NEDD9: variants seen among roughly 807,000 people sequenced by gnomAD.
NEDD9 encodes the protein enhancer of filamentation 1.
Under a neutral mutation model 76.6 loss-of-function variants are expected in NEDD9, and 26 were observed. The observed-to-expected ratio is 0.34, with a 90% CI of 0.25 to 0.47. The LOEUF is 0.47. NEDD9 is among the 20% of genes least tolerant of loss of function. NEDD9 has a pLI of 1.00. For synonymous variants in NEDD9, 392 were observed against 414.2 expected, an observed-to-expected ratio of 0.95 and a Z score of 0.65; for missense variants, 937 against 1,058.5, an observed-to-expected ratio of 0.89 and a Z score of 1.59.
At chr6:11,368,365 A>C (rs1762805001) in intron 1 of NEDD9, among the ~76,000 whole-genome samples, 1 of 152,262 alleles carries the variant, frequency 6.6e-6, no homozygotes, top group Non-Finnish European at 1.5e-5. Flanking sequence ...ATATTTTAAG[A>C]GTAATACAAT....
rs759866648 is a variant in NEDD9, at chr6:11,190,604, A to G, written c.1265T>C (p.Met422Thr). The change falls in exon 5 of 7, where the codon ATG becomes ACG. Residue 422 changes from methionine to threonine, a missense_variant. Met to Thr is a moderately conservative substitution (Grantham distance 81). Transcript: ENST00000379446. This position sits in a 1 kb window ranked among gnomAD's most constrained non-coding sequence, Gnocchi z 5.8. ...RLQRLQQALE[M>T]GVSSLMALVT... Reference sequence around the variant, plus strand: ...CAGTGCCATTAGGCTGGAGACACCCATCTCAAGGGCCTGCTGGAGCCGCTG... The same window carrying G: ...CAGTGCCATTAGGCTGGAGACACCCGTCTCAAGGGCCTGCTGGAGCCGCTG... 1 of 1,614,038 alleles carries G rather than the reference A, an allele frequency of 6.2e-7. No individual in the cohort carries two copies. Among genetic ancestry groups the G allele is most frequent in the African/African-American group, 1.3e-5 (1 of 74,904 alleles).
At chr6:11,235,734 G>A (rs533503377), upstream of NEDD9, among the ~76,000 whole-genome samples, 2 of 152,310 alleles carry the variant, frequency 1.3e-5, no homozygotes, top group South Asian at 4.1e-4. The surrounding 1 kb of genome is among the most constrained non-coding windows in gnomAD (Gnocchi z 4.1). Flanking sequence ...ATTCCGGACA[G>A]AAGTGACCCA....
At chr6:11,336,102 G>C (rs765065330) in intron 1 of NEDD9, among the ~76,000 whole-genome samples, 3 of 152,134 alleles carry the variant, frequency 2.0e-5, no homozygotes, top group Non-Finnish European at 2.9e-5. Flanking sequence ...CTCCCTCAGA[G>C]TCAGCCTTTC....
rs925646014 is a variant in NEDD9 at position 11,301,027 on chromosome 6, A to T, written c.12+4965T>A. Among the ~76,000 whole-genome samples the T allele has an allele frequency of 1.2e-4, 19 of 152,226 alleles. 1 individual carries two copies. On this transcript the variant is annotated intron_variant, in intron 3 of 3. Coordinates refer to the NEDD9 transcript ENST00000397378. ...ATTCACACATAACAATATTAATCTT[A>T]AGTGAAAATGGGCTAAATGCCCCAG...
intron 4 of NEDD9, 130 bp from the exon 5 acceptor site, chr6:11,191,335 C>T (rs768528753): frequency 4.3e-6 from 4 of 928,958 alleles, no homozygotes; most frequent in Non-Finnish European, 6.3e-6. Flanking sequence ...TAGGCACTTC[C>T]AAGGTTCCCC....
intron 3 of NEDD9, among the ~76,000 whole-genome samples, chr6:11,257,808 T>TGTGC (rs1325710855): frequency 6.6e-6 from 1 of 151,886 alleles, no homozygotes; most frequent in Non-Finnish European, 1.5e-5. Context: ...TGTGTGTGTG[T>TGTGC]GTGCAGTACG....
At chr6:11,307,103 G>C (rs1166446264) in intron 2 of NEDD9, among the ~76,000 whole-genome samples, 1 of 152,206 alleles carries the variant, frequency 6.6e-6, no homozygotes, top group Non-Finnish European at 1.5e-5. Context: ...GAATAAGTAA[G>C]AGGTTGTTTT....
In NEDD9 at chr6:11,198,765, G is replaced by C. The variant is rs186658770; in HGVS notation, c.460-5073C>G. 1 of 152,246 alleles carries C rather than the reference G, an allele frequency of 6.6e-6. No individual in the cohort carries two copies. Among genetic ancestry groups the C allele is most frequent in the African/African-American group, 2.4e-5 (1 of 41,458 alleles). The allele number at this position is 152,246 out of a possible 1,614,324, so 9.4% of individuals were successfully genotyped here. A position where few individuals can be genotyped will look rare whatever the true frequency, so the allele number is the denominator to read the frequency against. On this transcript the variant is annotated intron_variant, in intron 2 of 6. Coordinates refer to ENST00000379446, the MANE Select transcript of NEDD9 (RefSeq NM_006403.4). This position sits in a 1 kb window ranked among gnomAD's most constrained non-coding sequence, Gnocchi z 4.7. Reference sequence around the variant, plus strand: ...ATTAATCAACTAAAGGAAAACTGAAGGCTATTAAGCAAGATGGCGTGAGGT... The same window carrying C: ...ATTAATCAACTAAAGGAAAACTGAACGCTATTAAGCAAGATGGCGTGAGGT...
intron 1 of NEDD9, among the ~76,000 whole-genome samples, chr6:11,371,184 C>T (rs996647995): frequency 2.6e-5 from 4 of 152,184 alleles, no homozygotes; most frequent in Non-Finnish European, 5.9e-5. Context: ...CATATACCTC[C>T]TGCTCCCACA....
intron 2 of NEDD9, among the ~76,000 whole-genome samples, chr6:11,308,808 A>G (rs1313981166): frequency 6.6e-6 from 1 of 152,182 alleles, no homozygotes; most frequent in East Asian, 1.9e-4. Context: ...AGGAATCCTG[A>G]TAATTTATTA....
Position 11,255,695 on chromosome 6 carries a change from C to T in NEDD9, c.13-41968G>A, listed in dbSNP as rs1337394354. On this transcript the variant is annotated intron_variant, in intron 3 of 3. Transcript: ENST00000397378. ...AAGGCCTTGCATGGATCCACATAGCCGCTGGAGCCATGCGAGGCCTTTTGA... is the reference window on the plus strand; with the variant it reads ...AAGGCCTTGCATGGATCCACATAGCTGCTGGAGCCATGCGAGGCCTTTTGA... 2.0e-5 allele frequency among the ~76,000 whole-genome samples: 3 copies of T among 152,008 alleles called. No homozygotes were observed. The East Asian group carries it at 5.8e-4, about 29-fold the overall frequency.
At chr6:11,258,666 T>G (rs569014237) in intron 3 of NEDD9, 2 of 152,246 alleles carry the variant, frequency 1.3e-5, no homozygotes, top group South Asian at 2.1e-4. Flanking sequence ...TTCCTTCAAG[T>G]GAGTGTGAAG....
chr6:11,330,483 G>C (rs933058632), intron 2 of NEDD9, among the ~76,000 whole-genome samples: 1 of 152,202 alleles, frequency 6.6e-6, no homozygotes, highest in Non-Finnish European at 1.5e-5. Flanking sequence ...GGATACACTG[G>C]GGGAGGTGGA....
intron 1 of NEDD9, among the ~76,000 whole-genome samples, chr6:11,357,697 G>A (rs577490276): frequency 2.0e-5 from 3 of 152,174 alleles, no homozygotes; most frequent in East Asian, 1.9e-4. Flanking sequence ...TGCAGACCTC[G>A]ATTAATTAGT....
At chr6:11,304,390 C>A (rs1400877412) in intron 3 of NEDD9, among the ~76,000 whole-genome samples, 1 of 152,212 alleles carries the variant, frequency 6.6e-6, no homozygotes, top group Non-Finnish European at 1.5e-5. Context: ...TTGTGGAAGA[C>A]AATGTGGCGG....
intron 2 of NEDD9, among the ~76,000 whole-genome samples, chr6:11,319,852 ACT>A (rs1471718381): frequency 4.0e-5 from 6 of 151,692 alleles, no homozygotes; most frequent in Non-Finnish European, 4.4e-5. Flanking sequence ...ACTCATGCAC[ACT>A]CACACACTCA....
At chr6:11,310,514 C>A (rs1761334604) in intron 2 of NEDD9, among the ~76,000 whole-genome samples, 1 of 152,162 alleles carries the variant, frequency 6.6e-6, no homozygotes, top group Admixed American at 6.5e-5. Context: ...GCAGATGGTG[C>A]CACTGCAACC....
chr6:11,270,505 T>G (rs956436742), intron 3 of NEDD9, among the ~76,000 whole-genome samples: 10 of 152,288 alleles, frequency 6.6e-5, no homozygotes, highest in African/African-American at 2.2e-4. Context: ...GACACTTTTA[T>G]GACAGCTGGA....
chr6:11,315,635 G>A (rs1473686993), intron 2 of NEDD9, among the ~76,000 whole-genome samples: 1 of 152,160 alleles, frequency 6.6e-6, no homozygotes, highest in Non-Finnish European at 1.5e-5. Flanking sequence ...GTATAGCTTT[G>A]CAAATGACTT....
Sources: gnomAD v4.1 joint callset for allele counts (sites outside exome capture counted in the v4.1 genomes callset) on GRCh38, gnomAD v4.1.1 for gene constraint, Gnocchi (gnomAD v3.1) non-coding constraint, MANE v1.5 for transcripts, NCBI Gene and HGNC (gene_info 2026-07-23, HGNC 2026-07-21) for gene names.